The following TSPAN12 variants were observed in gnomAD, a reference collection of about 807,000 sequenced individuals.
TSPAN12 encodes the protein tetraspanin 12, also known as tetraspanin-12.
Under a neutral mutation model 39.2 loss-of-function variants are expected in TSPAN12, and 19 were observed. The observed-to-expected ratio is 0.49, with a 90% CI of 0.34 to 0.71. The LOEUF (loss-of-function observed/expected upper bound fraction) is 0.71. TSPAN12 is among the 30% of genes least tolerant of loss of function. The probability of loss-of-function intolerance (pLI) is 0.01; values close to 1 mark genes in which losing one functional copy is unlikely to be tolerated. For missense variants in TSPAN12, 314 were observed against 359.9 expected (o/e 0.87, Z 1.03); for synonymous variants, 119 against 124.8 (o/e 0.95, Z 0.31).
intron 6 of TSPAN12, among the ~76,000 whole-genome samples, chr7:120,810,223 C>T (rs1318116298): frequency 6.6e-6 from 1 of 152,100 alleles, no homozygotes; most frequent in Admixed American, 6.6e-5. Flanking sequence ...AATGGCTTTT[C>T]AGATGTTCTT....
At chr7:120,856,959 A>G (rs894873294) in intron 1 of TSPAN12, 126 bp from the exon 2 acceptor site, 15 of 638,918 alleles carry the variant, frequency 2.3e-5, no homozygotes, top group Non-Finnish European at 4.2e-5. Flanking sequence ...CATTCGAGAC[A>G]TCGCCTCATC....
chr7:120,847,240 AAAAAAAAC>A (rs1449043036), intron 2 of TSPAN12, among the ~76,000 whole-genome samples: 5 of 151,138 alleles, frequency 3.3e-5, no homozygotes, highest in African/African-American at 9.9e-5. Context: ...TGACAAAAAA[AAAAAAAAC>A]AAAAAACCAG....
At chr7:120,806,027 C>T (rs544762402) in intron 7 of TSPAN12, among the ~76,000 whole-genome samples, 3 of 152,022 alleles carry the variant, frequency 2.0e-5, no homozygotes, top group Non-Finnish European at 4.4e-5. Flanking sequence ...TTGACTTTAC[C>T]GCCACTGAGC....
intron 4 of TSPAN12, among the ~76,000 whole-genome samples, chr7:120,835,416 A>C (rs1794458290): frequency 6.6e-6 from 1 of 152,190 alleles, no homozygotes; most frequent in South Asian, 2.1e-4. Context: ...ATTACAGGAC[A>C]CATTTGTAAA....
chr7:120,852,158 G>T (rs1426049955), intron 2 of TSPAN12, among the ~76,000 whole-genome samples: 1 of 151,994 alleles, frequency 6.6e-6, no homozygotes, highest in Non-Finnish European at 1.5e-5. Context: ...AAATTGAATG[G>T]GTTCCCAATG....
intron 6 of TSPAN12, among the ~76,000 whole-genome samples, chr7:120,807,071 A>T (rs971370608): frequency 6.6e-6 from 1 of 152,008 alleles, no homozygotes; most frequent in African/African-American, 2.4e-5. Flanking sequence ...AGTTAATCAA[A>T]TTTTTCTATT....
chr7:120,819,563 T>C (rs373640730), intron 4 of TSPAN12, among the ~76,000 whole-genome samples: 1 of 152,154 alleles, frequency 6.6e-6, no homozygotes, highest in Non-Finnish European at 1.5e-5. Flanking sequence ...AAGACAAGTT[T>C]CACCAACATT....
intron 2 of TSPAN12, among the ~76,000 whole-genome samples, chr7:120,850,329 G>C (rs1794747290): frequency 6.6e-6 from 1 of 152,162 alleles, no homozygotes; most frequent in Non-Finnish European, 1.5e-5. Context: ...ATAATTCTTA[G>C]CAGAAACATC....
In TSPAN12 at chr7:120,799,414, T is replaced by C. The variant is rs921477804; in HGVS notation, c.612+7135A>G. Reference sequence around the variant, plus strand: ...TATATTTATTATATTAAATATTTATTATAATATTTAATTTATTTATATATA... The same window carrying C: ...TATATTTATTATATTAAATATTTATCATAATATTTAATTTATTTATATATA... On this transcript the variant is annotated intron_variant, in intron 7 of 7. Coordinates refer to ENST00000222747, the MANE Select transcript of TSPAN12 (RefSeq NM_012338.4). Among the ~76,000 whole-genome samples, 34 of 140,830 alleles carry C rather than the reference T, an allele frequency of 2.4e-4. No homozygotes were observed. In the Admixed American group the frequency reaches 2.6e-3, roughly 11 times the overall value. 92.4% of individuals were successfully genotyped at this position (140,830 alleles called of 152,430 possible).
chr7:120,813,255 T>C (rs1210573006), intron 5 of TSPAN12, among the ~76,000 whole-genome samples: 1 of 152,232 alleles, frequency 6.6e-6, no homozygotes, highest in Admixed American at 6.5e-5. Flanking sequence ...TGACAAACTT[T>C]TTTTAAAGAA....
intron 7 of TSPAN12, among the ~76,000 whole-genome samples, chr7:120,799,970 T>C (rs568752076): frequency 1.7e-4 from 26 of 149,664 alleles, no homozygotes; most frequent in African/African-American, 6.1e-4. Context: ...GCAAAAGTTA[T>C]TTCTATCAGT....
chr7:120,795,086 A>G (rs1793605658), intron 7 of TSPAN12, among the ~76,000 whole-genome samples: 1 of 152,232 alleles, frequency 6.6e-6, no homozygotes, highest in Non-Finnish European at 1.5e-5. Context: ...TGTAGAGTAA[A>G]AAGAGGAGGC....
rs193255724 is a variant in TSPAN12 at position 120,847,031 on chromosome 7, T to C, written c.67-6922A>G. 2.6e-4 allele frequency among the ~76,000 whole-genome samples: 40 copies of C among 152,246 alleles called. No individual in the cohort carries two copies. The East Asian group carries it at 3.5e-3, about 13-fold the overall frequency. ...AAAAGCAGGCAGGGGTGAGACTGCA[T>C]GGAGTCTTGGAAGCCATTTCAAGGT... On this transcript the variant is annotated intron_variant, in intron 2 of 7. Transcript: ENST00000222747.
In TSPAN12 at chr7:120,796,989, A is replaced by G. The variant is rs533256404; in HGVS notation, c.613-8092T>C. Among the ~76,000 whole-genome samples, 8 of 152,270 alleles carry G rather than the reference A, an allele frequency of 5.3e-5. No individual in the cohort carries two copies. The South Asian group carries it at 1.2e-3, about 24-fold the overall frequency. ...GCTAACATGGTGAAACCCCGTCTCT[A>G]CTAAAAATACAAAAAAAATTAGCCA... On this transcript the variant is annotated intron_variant, in intron 7 of 7. Transcript: ENST00000222747.
At chr7:120,809,579 A>C (rs1004458069) in intron 6 of TSPAN12, among the ~76,000 whole-genome samples, 1 of 152,194 alleles carries the variant, frequency 6.6e-6, no homozygotes, top group African/African-American at 2.4e-5. Flanking sequence ...CTATCACGTA[A>C]GACACTAATT....
intron 6 of TSPAN12, among the ~76,000 whole-genome samples, chr7:120,807,042 C>A (rs1793888811): frequency 6.6e-6 from 1 of 152,052 alleles, no homozygotes; most frequent in Non-Finnish European, 1.5e-5. Flanking sequence ...AATCATTAAA[C>A]CTCTAACCAC....
chr7:120,837,024 C>A (rs893053568), intron 4 of TSPAN12, among the ~76,000 whole-genome samples: 2 of 152,080 alleles, frequency 1.3e-5, no homozygotes, highest in African/African-American at 4.8e-5. Flanking sequence ...GGCAGTCAGA[C>A]CTTAATTGGT....
chr7:120,842,386 C>T (rs931740283), intron 2 of TSPAN12, among the ~76,000 whole-genome samples: 1 of 151,272 alleles, frequency 6.6e-6, no homozygotes, highest in Non-Finnish European at 1.5e-5. Context: ...AGATCCAGGC[C>T]TTCTTGGAAC....
At chr7:120,797,199 C>G (rs796576950) in intron 7 of TSPAN12, among the ~76,000 whole-genome samples, 23 of 152,312 alleles carry the variant, frequency 1.5e-4, no homozygotes, top group African/African-American at 5.5e-4. Context: ...CATTTCCCAG[C>G]CTCCCTTGCA....
Sources: gnomAD v4.1 joint callset for allele counts (sites outside exome capture counted in the v4.1 genomes callset) on GRCh38, gnomAD v4.1.1 for gene constraint, MANE v1.5 for transcripts, NCBI Gene and HGNC (gene_info 2026-07-23, HGNC 2026-07-21) for gene names.